Variants in MCMDC2 observed in about 807,000 individuals in gnomAD.
The protein encoded by MCMDC2 is minichromosome maintenance domain-containing protein 2.
In MCMDC2, 54 loss-of-function variants were observed where a neutral mutation model predicts 75.8. The ratio of observed to expected loss-of-function variants is 0.71; its 90% CI spans 0.57 to 0.89. The LOEUF is 0.89. MCMDC2 is among the 40% of genes least tolerant of loss of function. The probability of loss-of-function intolerance (pLI) is 0.00; values close to 1 mark genes in which losing one functional copy is unlikely to be tolerated. For synonymous variants in MCMDC2, 249 were observed against 274.6 expected (o/e 0.91, Z 0.92); for missense variants, 656 against 780.4 (o/e 0.84, Z 1.90).
rs940658183 is a variant in MCMDC2, at chr8:66,875,904, C to T, written c.285+1318C>T. 7.9e-5 allele frequency among the ~76,000 whole-genome samples: 12 copies of T among 152,246 alleles called. No individual in the cohort carries two copies. The East Asian group carries it at 2.3e-3, about 29-fold the overall frequency. ...CCTTGTAGGGCTATTTATCTTATTT[C>T]CCAACCTCATATTTCTAAAATAGAA... On this transcript the variant is annotated intron_variant, in intron 4 of 14. Transcript: ENST00000422365.
intron 13 of MCMDC2, chr8:66,901,730 A>T: frequency 1.7e-6 from 1 of 586,460 alleles, no homozygotes; most frequent in Non-Finnish European, 2.2e-6. Flanking sequence ...CAGGAGTTCA[A>T]GACCAGCCTG....
chr8:66,906,179 G>A (rs1812897949), intron 14 of MCMDC2, among the ~76,000 whole-genome samples: 1 of 152,150 alleles, frequency 6.6e-6, no homozygotes, highest in African/African-American at 2.4e-5. Flanking sequence ...AAGGGTAAAG[G>A]AGAGTTATTC....
At chr8:66,896,367 T>C (rs1311897068) in intron 11 of MCMDC2, 31 bp downstream of exon 11, 2 of 1,536,250 alleles carry the variant, frequency 1.3e-6, no homozygotes, top group African/African-American at 2.8e-5. Context: ...ATTGTTAGAA[T>C]GTTGTTCAAG....
At chr8:66,892,376 T>G (rs1181555822) in intron 10 of MCMDC2, among the ~76,000 whole-genome samples, 3 of 152,186 alleles carry the variant, frequency 2.0e-5, no homozygotes, top group African/African-American at 7.2e-5. Context: ...GTCATGGCCC[T>G]TTTCACACCT....
In MCMDC2 at chr8:66,920,960, T is replaced by TG. The variant is rs1442423887; in HGVS notation, c.*1793dup. 1 of 152,154 alleles carries TG rather than the reference T, an allele frequency of 6.6e-6. No homozygotes were observed. The highest frequency in any genetic ancestry group is 2.4e-5 in the African/African-American group (1 of 41,436). 9.4% of individuals were successfully genotyped at this position (152,154 alleles called of 1,614,324 possible). Reference sequence around the variant, plus strand: ...GATTACAGGAGTGAGCCACCATGCATGGCACAAAGATGGCTTTTATTTACT... The same window carrying TG: ...GATTACAGGAGTGAGCCACCATGCATGGGCACAAAGATGGCTTTTATTTACT... On this transcript the variant is annotated 3_prime_UTR_variant, in exon 15 of 15. Transcript: ENST00000422365.
intron 14 of MCMDC2, among the ~76,000 whole-genome samples, chr8:66,917,989 C>T (rs1813384085): frequency 6.6e-6 from 1 of 152,194 alleles, no homozygotes; most frequent in African/African-American, 2.4e-5. Flanking sequence ...TCCTGTTTTC[C>T]ACAGTGGGTG....
At chr8:66,871,489 A>G (rs1246060020) in intron 1 of MCMDC2, 1 of 152,210 alleles carries the variant, frequency 6.6e-6, no homozygotes, top group Non-Finnish European at 1.5e-5. Context: ...GATCTCCTCC[A>G]TTCCATTTCG....
chr8:66,896,116 A>T, intron 10 of MCMDC2, 54 bp from the exon 11 acceptor site: 1 of 1,503,032 alleles, frequency 6.7e-7, no homozygotes, highest in Non-Finnish European at 9.1e-7. Flanking sequence ...CAATTTGTAG[A>T]CATTTAGACC....
intron 14 of MCMDC2, among the ~76,000 whole-genome samples, chr8:66,908,408 A>G (rs1230304681): frequency 1.3e-5 from 2 of 152,074 alleles, no homozygotes; most frequent in East Asian, 1.9e-4. Flanking sequence ...CTCCTAGTCT[A>G]TGTTTAAGAC....
At chr8:66,900,288 ATTAGC>A (rs1331216711) in intron 12 of MCMDC2, among the ~76,000 whole-genome samples, 1 of 151,946 alleles carries the variant, frequency 6.6e-6, no homozygotes, top group Non-Finnish European at 1.5e-5. Context: ...AATACAAAAA[ATTAGC>A]TAGGCGTGGT....
chr8:66,877,565 T>C, intron 5 of MCMDC2, 21 bp downstream of exon 5: 1 of 1,570,392 alleles, frequency 6.4e-7, no homozygotes, highest in Non-Finnish European at 8.6e-7. Flanking sequence ...AATAGGAAAA[T>C]CAAAGCATTA....
rs182731926 is a variant in MCMDC2, at chr8:66,875,549, G to T, written c.285+963G>T. 2.0e-5 allele frequency among the ~76,000 whole-genome samples: 3 copies of T among 152,348 alleles called. No individual in the cohort carries two copies. The East Asian group carries it at 5.8e-4, about 29-fold the overall frequency. On this transcript the variant is annotated intron_variant, in intron 4 of 14. Transcript: ENST00000422365. ...CCGCCTCGGCCTCCCAAAGTGCTGG[G>T]ATTACAGGTGTGAGCTACTGTGCCC...
chr8:66,896,105 G>A, intron 10 of MCMDC2, 65 bp from the exon 11 acceptor site: 2 of 1,407,506 alleles, frequency 1.4e-6, no homozygotes, highest in Non-Finnish European at 2.0e-6. Flanking sequence ...TAATGTGTTA[G>A]CAATTTGTAG....
At chr8:66,906,253 C>T (rs541482418) in intron 14 of MCMDC2, among the ~76,000 whole-genome samples, 2 of 152,150 alleles carry the variant, frequency 1.3e-5, no homozygotes, top group Non-Finnish European at 2.9e-5. Context: ...ATTCTTCAAA[C>T]CAAACCTTGG....
chr8:66,908,354 C>T (rs1442062031), intron 14 of MCMDC2, among the ~76,000 whole-genome samples: 1 of 151,988 alleles, frequency 6.6e-6, no homozygotes, highest in Non-Finnish European at 1.5e-5. Flanking sequence ...TGTTTTTTGT[C>T]AGGTTTATTG....
At chr8:66,891,121 T>C (rs1190196159) in intron 10 of MCMDC2, 51 bp downstream of exon 10, 2 of 1,426,146 alleles carry the variant, frequency 1.4e-6, no homozygotes, top group Non-Finnish European at 1.9e-6. Context: ...TATACTCTCA[T>C]CCATGTTGAG....
chr8:66,914,050 G>A (rs938292399), intron 14 of MCMDC2, among the ~76,000 whole-genome samples: 7 of 151,520 alleles, frequency 4.6e-5, no homozygotes, highest in Admixed American at 3.9e-4. Flanking sequence ...GGCCAAGGCA[G>A]GAGAATCACT....
intron 9 of MCMDC2, among the ~76,000 whole-genome samples, chr8:66,885,193 T>G (rs1454254124): frequency 6.6e-6 from 1 of 151,426 alleles, no homozygotes; most frequent in Non-Finnish European, 1.5e-5. Context: ...ATTAGCCAGG[T>G]GTGGTGGCAC....
At chr8:66,902,168 AAAAC>A (rs201225736) in intron 13 of MCMDC2, among the ~76,000 whole-genome samples, 16 of 151,938 alleles carry the variant, frequency 1.1e-4, no homozygotes, top group East Asian at 1.9e-4. Flanking sequence ...ATCTGTATTT[AAAAC>A]AAACAAACAA....
Sources: allele counts gnomAD v4.1 joint callset (sites outside exome capture counted in the v4.1 genomes callset), GRCh38; gene constraint gnomAD v4.1.1; transcripts MANE v1.5; gene names NCBI Gene and HGNC (gene_info 2026-07-23, HGNC 2026-07-21).